TTBK2: variants seen among roughly 807,000 people sequenced by gnomAD.
The protein encoded by TTBK2 is tau-tubulin kinase 2.
In TTBK2, 28 loss-of-function variants were observed where a neutral mutation model predicts 110.8. The ratio of observed to expected loss-of-function variants is 0.25; its 90% CI spans 0.19 to 0.35. The LOEUF (loss-of-function observed/expected upper bound fraction) is 0.35, where lower values mean the gene tolerates loss of function less well. Ranked by LOEUF, TTBK2 falls within the 10% of genes least tolerant of loss-of-function variation. The pLI is 1.00. For missense variants in TTBK2, 1,369 were observed against 1,500.3 expected (o/e 0.91, Z 1.45); for synonymous variants, 532 against 527.3 (o/e 1.01, Z -0.12).
chr15:42,865,824 AAAAAG>A (rs1311318123), intron 3 of TTBK2, among the ~76,000 whole-genome samples: 3 of 152,212 alleles, frequency 2.0e-5, no homozygotes, highest in Admixed American at 2.0e-4. Flanking sequence ...CTCCATTTCA[AAAAAG>A]AAAAGAAAAG....
chr15:42,805,315 A>G (rs1040529645), intron 9 of TTBK2, among the ~76,000 whole-genome samples: 1 of 152,228 alleles, frequency 6.6e-6, no homozygotes, highest in Non-Finnish European at 1.5e-5. Flanking sequence ...ATAAAGAGAC[A>G]AAACAAAGTA....
At chr15:42,909,103 T>C (rs2030592390) in intron 1 of TTBK2, among the ~76,000 whole-genome samples, 1 of 152,220 alleles carries the variant, frequency 6.6e-6, no homozygotes, top group South Asian at 2.1e-4. Context: ...ACCTGAATTC[T>C]GTTTTGTTGT....
rs541308263 is a variant in TTBK2, at chr15:42,798,072, C to T, written c.823-3271G>A. Among the ~76,000 whole-genome samples, 210 of 151,966 alleles carry T rather than the reference C, an allele frequency of 1.4e-3. 1 individual carries two copies. The highest frequency in any genetic ancestry group is 6.8e-3 in the Middle Eastern group (2 of 294). Reference sequence around the variant, plus strand: ...CTAATTTTTGTATCTTTAGTAGAGACGGGGTTTCACCATGTTGGCCAGGAT... The same window carrying T: ...CTAATTTTTGTATCTTTAGTAGAGATGGGGTTTCACCATGTTGGCCAGGAT... On this transcript the variant is annotated intron_variant, in intron 9 of 14. Coordinates refer to ENST00000267890, the MANE Select transcript of TTBK2 (RefSeq NM_173500.4).
At chr15:42,855,437 T>C (rs1418875022) in intron 3 of TTBK2, among the ~76,000 whole-genome samples, 3 of 152,124 alleles carry the variant, frequency 2.0e-5, no homozygotes, top group Non-Finnish European at 4.4e-5. Context: ...TTAAGGAACA[T>C]CTGAAATACT....
intron 3 of TTBK2, among the ~76,000 whole-genome samples, chr15:42,856,874 A>G (rs1466298996): frequency 1.3e-5 from 2 of 152,192 alleles, no homozygotes; most frequent in Non-Finnish European, 2.9e-5. Context: ...CAGCCTGGCC[A>G]ACATGGCAAA....
At chr15:42,878,038 G>A (rs920698239) in intron 2 of TTBK2, among the ~76,000 whole-genome samples, 32 of 149,768 alleles carry the variant, frequency 2.1e-4, no homozygotes, top group African/African-American at 7.8e-4. Context: ...AAAAGAGAGA[G>A]CAGCTCATTG....
chr15:42,781,393 G>T (rs531093821), intron 11 of TTBK2, among the ~76,000 whole-genome samples: 1 of 152,114 alleles, frequency 6.6e-6, no homozygotes, highest in African/African-American at 2.4e-5. Context: ...CAGTAACAGA[G>T]ATATTCATTA....
intron 3 of TTBK2, among the ~76,000 whole-genome samples, chr15:42,868,840 G>A (rs1341304297): frequency 2.0e-5 from 3 of 151,154 alleles, no homozygotes; most frequent in East Asian, 3.9e-4. Flanking sequence ...CAGCCTGGAC[G>A]ACAGAGTGAG....
intron 7 of TTBK2, among the ~76,000 whole-genome samples, chr15:42,815,958 A>ATATATATATATATATATATAT (rs1555427627): frequency 1.1e-4 from 10 of 91,692 alleles, no homozygotes; most frequent in East Asian, 8.8e-4. Flanking sequence ...TTAAAAAAAA[A>ATATATATATATATATATATAT]ATATATATAT....
chr15:42,764,623 G>C (rs1408874979), intron 13 of TTBK2, among the ~76,000 whole-genome samples: 2 of 152,256 alleles, frequency 1.3e-5, no homozygotes, highest in East Asian at 3.8e-4. Context: ...ACTGGGCAGA[G>C]CCCACCGCAG....
chr15:42,909,863 G>C (rs147295781), intron 1 of TTBK2, among the ~76,000 whole-genome samples: 1 of 152,122 alleles, frequency 6.6e-6, no homozygotes, highest in Admixed American at 6.5e-5. Context: ...GCTACCTTTG[G>C]GGTAAAGAAA....
At chr15:42,807,817 T>C (rs1315928033) in intron 9 of TTBK2, among the ~76,000 whole-genome samples, 6 of 152,194 alleles carry the variant, frequency 3.9e-5, no homozygotes, top group African/African-American at 1.4e-4. Flanking sequence ...TTTAATCTTG[T>C]TTATAATTCT....
At chr15:42,879,046 T>G (rs937066171) in intron 1 of TTBK2, among the ~76,000 whole-genome samples, 4 of 152,224 alleles carry the variant, frequency 2.6e-5, no homozygotes, top group African/African-American at 9.6e-5. Flanking sequence ...AATTTACAAC[T>G]GCTTATAGTT....
At chr15:42,805,412 C>A (rs1216665052) in intron 9 of TTBK2, among the ~76,000 whole-genome samples, 1 of 152,146 alleles carries the variant, frequency 6.6e-6, no homozygotes, top group Non-Finnish European at 1.5e-5. Context: ...TGCGGAGAAA[C>A]TGACATCTGA....
chr15:42,830,169 G>T, intron 4 of TTBK2, 91 bp from the exon 5 acceptor site: 1 of 1,487,104 alleles, frequency 6.7e-7, no homozygotes, highest in Non-Finnish European at 9.2e-7. Flanking sequence ...ATTAAAAGAT[G>T]TTTTCAGCAA....
At chr15:42,759,128 T>C (rs113126786) in intron 13 of TTBK2, among the ~76,000 whole-genome samples, 74 of 152,320 alleles carry the variant, frequency 4.9e-4, no homozygotes, top group African/African-American at 1.7e-3. Flanking sequence ...CCCTGACTGC[T>C]TGGAGCCTGG....
intron 14 of TTBK2, among the ~76,000 whole-genome samples, chr15:42,747,213 C>G (rs2061804887): frequency 6.6e-6 from 1 of 152,136 alleles, no homozygotes; most frequent in African/African-American, 2.4e-5. Context: ...AGCAATCCTC[C>G]TGTCTCAGCC....
intron 13 of TTBK2, among the ~76,000 whole-genome samples, chr15:42,753,875 C>A (rs1408907370): frequency 6.6e-6 from 1 of 152,104 alleles, no homozygotes; most frequent in Non-Finnish European, 1.5e-5. Flanking sequence ...CTCTCCAAGT[C>A]CCTTTGAGTA....
At chr15:42,756,451 T>A (rs1227006795) in intron 13 of TTBK2, among the ~76,000 whole-genome samples, 1 of 151,776 alleles carries the variant, frequency 6.6e-6, no homozygotes, top group Admixed American at 6.6e-5. Flanking sequence ...CTGGGGGTGA[T>A]GGCGGGTGCC....
Sources: gnomAD v4.1 joint callset for allele counts (sites outside exome capture counted in the v4.1 genomes callset) on GRCh38, gnomAD v4.1.1 for gene constraint, MANE v1.5 for transcripts, NCBI Gene and HGNC (gene_info 2026-07-23, HGNC 2026-07-21) for gene names.